The following SHOC1 variants were observed in gnomAD, a reference collection of about 807,000 sequenced individuals.
SHOC1 encodes protein shortage in chiasmata 1 ortholog.
In SHOC1, 136 loss-of-function variants were observed where a neutral mutation model predicts 179.2. The observed-to-expected ratio is 0.76, with a 90% CI of 0.66 to 0.87. The LOEUF (loss-of-function observed/expected upper bound fraction) is 0.87. SHOC1 is among the 40% of genes least tolerant of loss of function. The pLI is 0.00. For synonymous variants in SHOC1, 489 were observed against 586.6 expected (o/e 0.83, Z 2.41); for missense variants, 1,538 against 1,700.8 (o/e 0.90, Z 1.68).
intron 27 of SHOC1, among the ~76,000 whole-genome samples, chr9:111,687,764 TTTC>T (rs1046585956): frequency 2.0e-5 from 3 of 152,092 alleles, no homozygotes; most frequent in Non-Finnish European, 4.4e-5. Flanking sequence ...TCTTTTTTTT[TTTC>T]TTTTTTCTTT....
At chr9:111,701,145 T>C (rs1262462319) in intron 23 of SHOC1, among the ~76,000 whole-genome samples, 1 of 152,206 alleles carries the variant, frequency 6.6e-6, no homozygotes, top group Non-Finnish European at 1.5e-5. Flanking sequence ...AAACCTAGTA[T>C]GGTCTCAGGG....
intron 5 of SHOC1, among the ~76,000 whole-genome samples, chr9:111,770,761 G>A (rs1835570976): frequency 6.6e-6 from 1 of 152,002 alleles, no homozygotes; most frequent in Non-Finnish European, 1.5e-5. Flanking sequence ...TTGCTTAATT[G>A]ACCCCTTTCA....
chr9:111,757,939 A>C (rs1834943470), intron 7 of SHOC1, 145 bp downstream of exon 7: 1 of 509,342 alleles, frequency 2.0e-6, no homozygotes. Context: ...ATTTAGAAGT[A>C]AATTTGACTT....
At chr9:111,767,284 A>G (rs1030703271) in intron 5 of SHOC1, among the ~76,000 whole-genome samples, 1 of 152,156 alleles carries the variant, frequency 6.6e-6, no homozygotes, top group African/African-American at 2.4e-5. Context: ...GTCCTGGAGC[A>G]TATCCCCAAT....
At chr9:111,709,339 AAAAAC>A (rs953882116) in intron 18 of SHOC1, among the ~76,000 whole-genome samples, 2 of 152,206 alleles carry the variant, frequency 1.3e-5, no homozygotes, top group African/African-American at 4.8e-5. Flanking sequence ...TGAAACTCAA[AAAAAC>A]AAAACAAAAC....
intron 15 of SHOC1, among the ~76,000 whole-genome samples, chr9:111,720,413 A>G (rs1286574739): frequency 6.6e-6 from 1 of 152,014 alleles, no homozygotes; most frequent in Non-Finnish European, 1.5e-5. Context: ...ATTGGCTTTG[A>G]GTAATTTGAT....
intron 2 of SHOC1, among the ~76,000 whole-genome samples, chr9:111,788,750 C>T (rs149980332): frequency 6.6e-6 from 1 of 152,288 alleles, no homozygotes; most frequent in East Asian, 1.9e-4. Context: ...CCAGCAAATT[C>T]ATTTCTAATT....
chr9:111,694,048 G>T, intron 25 of SHOC1, 100 bp from the exon 26 acceptor site: 1 of 890,922 alleles, frequency 1.1e-6, no homozygotes, highest in Non-Finnish European at 1.6e-6. Context: ...GAGTTTAATA[G>T]TCAGTAGTCT....
intron 13 of SHOC1, among the ~76,000 whole-genome samples, chr9:111,725,850 A>C (rs1466469319): frequency 6.6e-6 from 1 of 152,092 alleles, no homozygotes; most frequent in Non-Finnish European, 1.5e-5. Flanking sequence ...GATCTTTTCA[A>C]TTTTTATTCT....
chr9:111,693,709 A>G, intron 26 of SHOC1, 90 bp downstream of exon 26: 1 of 789,048 alleles, frequency 1.3e-6, no homozygotes, highest in Non-Finnish European at 1.9e-6. Context: ...AAACTTGGAT[A>G]CCTTCATTTT....
intron 3 of SHOC1, among the ~76,000 whole-genome samples, chr9:111,785,517 C>G (rs1485385566): frequency 1.3e-5 from 2 of 152,066 alleles, no homozygotes; most frequent in Non-Finnish European, 2.9e-5. Flanking sequence ...CTTTACTAGT[C>G]CATGACTTGA....
intron 21 of SHOC1, among the ~76,000 whole-genome samples, chr9:111,704,225 C>T (rs572369891): frequency 1.1e-3 from 160 of 152,230 alleles, no homozygotes; most frequent in Middle Eastern, 3.4e-3. Context: ...TGTTACTGCA[C>T]GTAACACTAT....
intron 5 of SHOC1, among the ~76,000 whole-genome samples, chr9:111,762,187 T>C (rs1835165479): frequency 6.6e-6 from 1 of 152,158 alleles, no homozygotes; most frequent in Non-Finnish European, 1.5e-5. Context: ...CCCAGCACTT[T>C]GGAAGGCTGA....
rs1243892160 is a variant in SHOC1 at position 111,738,535 on chromosome 9, T to A, written c.1175-13A>T. On this transcript the variant is annotated splice_polypyrimidine_tract_variant and intron_variant, in intron 11 of 27. Coordinates refer to ENST00000682961, the MANE Select transcript of SHOC1 (RefSeq NM_001378211.1). ...TGAATTCTTGGCACTTAAAAAAAAA[T>A]AAAAAACAAATAGTTAGAAACAGTC... 4.1e-5 allele frequency: 63 copies of A among 1,525,646 alleles called. No homozygotes were observed. The highest frequency in any genetic ancestry group is 5.2e-5 in the Non-Finnish European group (59 of 1,145,218). The allele number at this position is 1,525,646 out of a possible 1,614,324, so 94.5% of individuals were successfully genotyped here. A position where few individuals can be genotyped will look rare whatever the true frequency, so the allele number is the denominator to read the frequency against.
intron 5 of SHOC1, among the ~76,000 whole-genome samples, chr9:111,769,991 T>TTTTTTTTTTTTTTTTTTTTTTTG (rs1835527802): frequency 7.0e-6 from 1 of 142,928 alleles, no homozygotes. Flanking sequence ...TTTTTGTTTT[T>TTTTTTTTTTTTTTTTTTTTTTTG]TTTTTTTTTT....
At chr9:111,723,460 G>C (rs1445919437) in intron 14 of SHOC1, among the ~76,000 whole-genome samples, 1 of 152,210 alleles carries the variant, frequency 6.6e-6, no homozygotes, top group Admixed American at 6.5e-5. Context: ...GCAGGTAAGA[G>C]AACAGAGAGA....
chr9:111,705,370 TAAGAG>T lies in SHOC1; in HGVS notation c.2738-11_2738-7del, dbSNP rs753152046. 17 of 1,393,700 alleles carry T rather than the reference TAAGAG, an allele frequency of 1.2e-5. No homozygotes were observed. The highest frequency in any genetic ancestry group is 2.5e-5 in the Admixed American group (1 of 40,548). 86.3% of individuals were successfully genotyped at this position (1,393,700 alleles called of 1,614,324 possible). On this transcript the variant is annotated splice_region_variant and splice_polypyrimidine_tract_variant and intron_variant, in intron 20 of 27. Coordinates refer to ENST00000682961, the MANE Select transcript of SHOC1 (RefSeq NM_001378211.1). Reference sequence around the variant, plus strand: ...TCTATCCAGCAAGGTGCTTCCTAAATAAGAGAAAATTTATAAATATTTCTCTTTTA... The same window carrying T: ...TCTATCCAGCAAGGTGCTTCCTAAATAAAATTTATAAATATTTCTCTTTTA...
chr9:111,770,386 T>C (rs1835554089), intron 5 of SHOC1, among the ~76,000 whole-genome samples: 1 of 152,216 alleles, frequency 6.6e-6, no homozygotes, highest in Non-Finnish European at 1.5e-5. Flanking sequence ...GAAAAGCTAC[T>C]TGATATGATT....
At chr9:111,719,701 A>G (rs181776903) in intron 15 of SHOC1, among the ~76,000 whole-genome samples, 11 of 152,184 alleles carry the variant, frequency 7.2e-5, no homozygotes, top group African/African-American at 2.7e-4. Context: ...AGGTATTTCA[A>G]GTAGTAAACT....
Sources: allele counts gnomAD v4.1 joint callset (sites outside exome capture counted in the v4.1 genomes callset), GRCh38; gene constraint gnomAD v4.1.1; transcripts MANE v1.5; gene names NCBI Gene and HGNC (gene_info 2026-07-23, HGNC 2026-07-21).